Variants in RUNX2 observed in about 807,000 individuals in gnomAD.
RUNX2 encodes RUNX family transcription factor 2, also known as runt-related transcription factor 2.
Under a neutral mutation model 51.7 loss-of-function variants are expected in RUNX2, and 10 were observed. The observed-to-expected ratio is 0.19, with a 90% CI of 0.12 to 0.33. The LOEUF is 0.33. Among genes scored for constraint, RUNX2 ranks in the 10% least tolerant of loss-of-function variants. RUNX2 has a pLI of 1.00. For synonymous variants in RUNX2, 276 were observed against 273.6 expected, an observed-to-expected ratio of 1.01 and a Z score of -0.09; for missense variants, 562 against 691.3, an observed-to-expected ratio of 0.81 and a Z score of 2.10.
intron 5 of RUNX2, among the ~76,000 whole-genome samples, chr6:45,483,138 T>C (rs982685133): frequency 6.6e-6 from 1 of 152,196 alleles, no homozygotes; most frequent in African/African-American, 2.4e-5. Context: ...TCCTGTATCA[T>C]ATTGCATGGC....
intron 6 of RUNX2, among the ~76,000 whole-genome samples, chr6:45,500,646 C>T (rs923323463): frequency 1.4e-4 from 21 of 152,064 alleles, no homozygotes; most frequent in African/African-American, 4.3e-4. Flanking sequence ...AAATGTTTGG[C>T]GCTGTTGCCA....
At position 45,497,442 on chromosome 6, in the gene RUNX2, A is replaced by G. The variant is rs568167482; in HGVS notation, c.859+5328A>G. 1.1e-4 allele frequency among the ~76,000 whole-genome samples: 17 copies of G among 152,292 alleles called. No individual in the cohort carries two copies. In the South Asian group the frequency reaches 3.5e-3, roughly 32 times the overall value. On this transcript the variant is annotated intron_variant, in intron 6 of 8. Coordinates refer to ENST00000647337, the MANE Select transcript of RUNX2 (RefSeq NM_001024630.4). ...GTGACTTTTTCTCCTTTTGTAATGT[A>G]CAAGCAATTCATTTGAAGTTTCACT... is the stretch of plus-strand genomic sequence containing the variant.
intron 8 of RUNX2, among the ~76,000 whole-genome samples, chr6:45,545,926 G>T (rs77719757): frequency 0.016 from 2,509 of 152,268 alleles, 65 homozygotes; most frequent in African/African-American, 0.057. Flanking sequence ...TCATGTTTTA[G>T]GGGAAAACCA....
In RUNX2 at chr6:45,549,650, C is replaced by G. The variant is rs925119148; in HGVS notation, c.*2345C>G. ...TTAAAAAAGCCAGTGTCTGGTTACA[C>G]ATTTCAATTTTAATTAATTGACATA... On this transcript the variant is annotated 3_prime_UTR_variant, in exon 9 of 9. Transcript: ENST00000647337. The G allele has an allele frequency of 3.0e-6, 1 of 335,666 alleles. No individual in the cohort carries two copies. Among genetic ancestry groups the G allele is most frequent in the African/African-American group, 2.1e-5 (1 of 47,326 alleles). 20.8% of individuals were successfully genotyped at this position (335,666 alleles called of 1,614,324 possible).
At chr6:45,543,940 A>G (rs1169862159) in intron 7 of RUNX2, among the ~76,000 whole-genome samples, 2 of 151,264 alleles carry the variant, frequency 1.3e-5, no homozygotes, top group Non-Finnish European at 2.9e-5. Flanking sequence ...CCTTATCATG[A>G]TTATTTTATA....
chr6:45,414,668 A>G (rs1316084738), intron 2 of RUNX2, among the ~76,000 whole-genome samples: 1 of 150,280 alleles, frequency 6.7e-6, no homozygotes, highest in Non-Finnish European at 1.5e-5. Flanking sequence ...GCAATCGTCT[A>G]GCCCTGCTCC....
chr6:45,346,860 G>A (rs767120710), intron 2 of RUNX2, among the ~76,000 whole-genome samples: 10 of 152,010 alleles, frequency 6.6e-5, no homozygotes, highest in African/African-American at 1.2e-4. Flanking sequence ...CCATCGCGCC[G>A]GGCCTCAATA....
At chr6:45,350,946 G>A (rs537306397) in intron 2 of RUNX2, among the ~76,000 whole-genome samples, 1 of 152,226 alleles carries the variant, frequency 6.6e-6, no homozygotes, top group East Asian at 1.9e-4. Flanking sequence ...CCTCGTGTCA[G>A]ATCAGTAGCA....
At chr6:45,484,840 G>A (rs1053625226) in intron 5 of RUNX2, among the ~76,000 whole-genome samples, 13 of 152,206 alleles carry the variant, frequency 8.5e-5, no homozygotes, top group African/African-American at 2.9e-4. Flanking sequence ...TAGAAGTGAA[G>A]GATCTCATTA....
chr6:45,354,281 A>C (rs1242469403), intron 2 of RUNX2, among the ~76,000 whole-genome samples: 1 of 152,180 alleles, frequency 6.6e-6, no homozygotes, highest in Admixed American at 6.5e-5. Flanking sequence ...ATAGATATAC[A>C]CACAATGAAA....
chr6:45,439,359 C>G (rs1308789607), intron 5 of RUNX2, among the ~76,000 whole-genome samples: 1 of 152,156 alleles, frequency 6.6e-6, no homozygotes, highest in African/African-American at 2.4e-5. Context: ...AGTCTCTAGT[C>G]CTAAGGGCTA....
intron 3 of RUNX2, among the ~76,000 whole-genome samples, chr6:45,430,048 C>A (rs546364955): frequency 6.6e-6 from 1 of 151,216 alleles, no homozygotes; most frequent in South Asian, 2.1e-4. Flanking sequence ...GAGCCGAGAT[C>A]GTGCCACTGC....
At chr6:45,402,559 G>A (rs1320971924) in intron 2 of RUNX2, among the ~76,000 whole-genome samples, 5 of 151,964 alleles carry the variant, frequency 3.3e-5, no homozygotes, top group Admixed American at 6.6e-5. Context: ...CAAAATTTTG[G>A]CTATGATAAT....
intron 4 of RUNX2, among the ~76,000 whole-genome samples, chr6:45,434,790 G>A (rs914967586): frequency 6.6e-6 from 1 of 152,054 alleles, no homozygotes; most frequent in African/African-American, 2.4e-5. Context: ...CCCTATTTGA[G>A]AGCCTACATT....
In RUNX2 at chr6:45,383,102, T is replaced by C. The variant is rs1030565539; in HGVS notation, c.59-39491T>C. Among the ~76,000 whole-genome samples, 5 of 152,312 alleles carry C rather than the reference T, an allele frequency of 3.3e-5. No homozygotes were observed. In the South Asian group the frequency reaches 6.2e-4, roughly 19 times the overall value. ...TGGGGAATAAGTACATAATTAAGCA[T>C]GATGTTTGTATTATCTTTAATGTTT... is the stretch of plus-strand genomic sequence containing the variant. On this transcript the variant is annotated intron_variant, in intron 2 of 8. Coordinates refer to ENST00000647337, the MANE Select transcript of RUNX2 (RefSeq NM_001024630.4).
At chr6:45,449,922 A>G (rs1799111707) in intron 5 of RUNX2, among the ~76,000 whole-genome samples, 1 of 152,214 alleles carries the variant, frequency 6.6e-6, no homozygotes. Context: ...AAAACTAATA[A>G]TAACAAAGAA....
intron 6 of RUNX2, among the ~76,000 whole-genome samples, chr6:45,493,513 G>C (rs1002038088): frequency 6.6e-6 from 1 of 152,014 alleles, no homozygotes; most frequent in Admixed American, 6.6e-5. Context: ...AGAGTGGGGG[G>C]GCGGTGGTGA....
rs1795517154 is a variant in RUNX2 at position 45,368,445 on chromosome 6, A to G, written c.58+39661A>G. On this transcript the variant is annotated intron_variant, in intron 2 of 8. Coordinates refer to ENST00000647337, the MANE Select transcript of RUNX2 (RefSeq NM_001024630.4). ...CAGAAAATATTGCTATCAAAAAAAAAGTTTTAATTGTAGTGAAGTTAATCA... is the reference window on the plus strand; with the variant it reads ...CAGAAAATATTGCTATCAAAAAAAAGGTTTTAATTGTAGTGAAGTTAATCA... Among the ~76,000 whole-genome samples, 5 of 152,214 alleles carry G rather than the reference A, an allele frequency of 3.3e-5. No individual in the cohort carries two copies. The South Asian group carries it at 8.3e-4, about 25-fold the overall frequency.
At chr6:45,452,027 A>G (rs950730969) in intron 5 of RUNX2, among the ~76,000 whole-genome samples, 3 of 152,246 alleles carry the variant, frequency 2.0e-5, no homozygotes, top group South Asian at 4.1e-4. Flanking sequence ...TGATCAAAAA[A>G]TTGTTACTGA....
Sources: allele counts gnomAD v4.1 joint callset (sites outside exome capture counted in the v4.1 genomes callset), GRCh38; gene constraint gnomAD v4.1.1; transcripts MANE v1.5; gene names NCBI Gene and HGNC (gene_info 2026-07-23, HGNC 2026-07-21).